The following SGCZ variants were observed in gnomAD, a reference collection of about 807,000 sequenced individuals.
The protein encoded by SGCZ is sarcoglycan zeta.
SGCZ carries 40 observed loss-of-function variants against 41.3 expected under a neutral mutation model. The observed-to-expected ratio is 0.97, with a 90% CI of 0.75 to 1.26. The LOEUF (loss-of-function observed/expected upper bound fraction) is 1.26, where lower values mean the gene tolerates loss of function less well. Ranked by LOEUF, SGCZ falls within the 50% of genes most tolerant of loss-of-function variation. The pLI, the probability that SGCZ is intolerant of heterozygous loss-of-function variation, is 0.00. For missense variants in SGCZ, 552 were observed against 369.8 expected (o/e 1.49, Z -4.04); for synonymous variants, 206 against 137.5 (o/e 1.50, Z -3.49).
intron 4 of SGCZ, among the ~76,000 whole-genome samples, chr8:14,197,819 C>T (rs1371799275): frequency 6.6e-6 from 1 of 151,516 alleles, no homozygotes; most frequent in African/African-American, 2.4e-5. Context: ...AATAATACAA[C>T]CAAGAAAAAT....
rs1269733707 is a variant in SGCZ, at chr8:14,936,331, A to C, written c.39+301254T>G. Among the ~76,000 whole-genome samples the C allele has an allele frequency of 2.0e-5, 3 of 152,004 alleles. No homozygotes were observed. The South Asian group carries it at 6.2e-4, about 31-fold the overall frequency. On this transcript the variant is annotated intron_variant, in intron 1 of 7. Transcript: ENST00000382080. ...TAATATGTCTAACGTACCAAGCATC[A>C]AATCTTAGCCTAGCCTACCTTAAAT...
At chr8:14,731,806 G>T (rs1032449082) in intron 1 of SGCZ, among the ~76,000 whole-genome samples, 1 of 151,924 alleles carries the variant, frequency 6.6e-6, no homozygotes, top group African/African-American at 2.4e-5. Context: ...TTTCTAAAAT[G>T]GTTACTCAAT....
intron 2 of SGCZ, among the ~76,000 whole-genome samples, chr8:14,517,289 G>A (rs993565027): frequency 6.6e-6 from 1 of 151,902 alleles, no homozygotes; most frequent in East Asian, 1.9e-4. Flanking sequence ...ACTAAACTTG[G>A]GCAAGATCTT....
intron 1 of SGCZ, among the ~76,000 whole-genome samples, chr8:14,812,167 T>C (rs926467066): frequency 2.0e-5 from 3 of 151,970 alleles, no homozygotes; most frequent in Non-Finnish European, 2.9e-5. Flanking sequence ...ATGTAAAATG[T>C]TACATAATGA....
chr8:15,035,067 T>C (rs533095323), intron 1 of SGCZ, among the ~76,000 whole-genome samples: 6 of 152,126 alleles, frequency 3.9e-5, no homozygotes, highest in Non-Finnish European at 5.9e-5. Context: ...ACTAGTAGTC[T>C]ACTGGTGGTA....
At chr8:14,425,275 T>G (rs971930836) in intron 2 of SGCZ, among the ~76,000 whole-genome samples, 2 of 152,104 alleles carry the variant, frequency 1.3e-5, no homozygotes, top group African/African-American at 4.8e-5. Context: ...GTCTGACAGG[T>G]GATATAATTC....
chr8:14,126,635 G>T (rs979611114), intron 5 of SGCZ, among the ~76,000 whole-genome samples: 2 of 152,074 alleles, frequency 1.3e-5, no homozygotes, highest in South Asian at 4.2e-4. Context: ...CCATTACTGG[G>T]TATATATCCA....
At chr8:14,091,031 C>G (rs577619495) in intron 7 of SGCZ, among the ~76,000 whole-genome samples, 1 of 151,980 alleles carries the variant, frequency 6.6e-6, no homozygotes, top group Admixed American at 6.6e-5. Context: ...GTTCCCTGCC[C>G]TGTGTCCATG....
At chr8:14,269,351 T>C (rs976087008) in intron 3 of SGCZ, among the ~76,000 whole-genome samples, 3 of 152,190 alleles carry the variant, frequency 2.0e-5, no homozygotes, top group Non-Finnish European at 4.4e-5. Context: ...ATAAACATTC[T>C]CGTGCTGTAA....
intron 4 of SGCZ, among the ~76,000 whole-genome samples, chr8:14,189,757 T>C (rs1478020): frequency 0.083 from 12,637 of 152,148 alleles, 732 homozygotes; most frequent in African/African-American, 0.15. Flanking sequence ...TTAACCTGCT[T>C]TGTCTTATCA....
intron 1 of SGCZ, among the ~76,000 whole-genome samples, chr8:15,007,517 G>T (rs1407903217): frequency 6.6e-6 from 1 of 152,196 alleles, no homozygotes; most frequent in African/African-American, 2.4e-5. Context: ...TGCATGTTCT[G>T]GCTTTGCCAT....
At chr8:15,024,636 GTAA>G (rs1585484838) in intron 1 of SGCZ, among the ~76,000 whole-genome samples, 1 of 152,046 alleles carries the variant, frequency 6.6e-6, no homozygotes, top group African/African-American at 2.4e-5. Flanking sequence ...AGAAGCATTA[GTAA>G]TAATAATACA....
intron 4 of SGCZ, among the ~76,000 whole-genome samples, chr8:14,200,793 G>T (rs1805430365): frequency 6.6e-6 from 1 of 152,102 alleles, no homozygotes; most frequent in African/African-American, 2.4e-5. Flanking sequence ...TAAAATGAAT[G>T]AATTAAAGTT....
chr8:15,026,311 T>C (rs1019684559), intron 1 of SGCZ, among the ~76,000 whole-genome samples: 1 of 152,202 alleles, frequency 6.6e-6, no homozygotes, highest in Non-Finnish European at 1.5e-5. Flanking sequence ...AATTTCTGAA[T>C]GTCCTACAAA....
At chr8:14,151,381 A>G (rs907201559) in intron 5 of SGCZ, among the ~76,000 whole-genome samples, 1 of 152,128 alleles carries the variant, frequency 6.6e-6, no homozygotes, top group Non-Finnish European at 1.5e-5. Flanking sequence ...AAAATTTATC[A>G]GAACATTTAC....
chr8:14,644,465 T>C (rs752022666), intron 1 of SGCZ, among the ~76,000 whole-genome samples: 2 of 151,514 alleles, frequency 1.3e-5, no homozygotes, highest in African/African-American at 2.4e-5. Context: ...TCATAGATTT[T>C]AGACTTCCCA....
At chr8:14,111,613 G>A (rs888508972) in intron 5 of SGCZ, among the ~76,000 whole-genome samples, 1 of 152,098 alleles carries the variant, frequency 6.6e-6, no homozygotes, top group Non-Finnish European at 1.5e-5. Flanking sequence ...TCCTACAAAG[G>A]ATGTTTCAGA....
At chr8:15,212,496 T>C (rs1801264794) in intron 1 of SGCZ, among the ~76,000 whole-genome samples, 1 of 152,152 alleles carries the variant, frequency 6.6e-6, no homozygotes, top group South Asian at 2.1e-4. Context: ...ACTTGGGGAA[T>C]TATTTCCTTG....
chr8:15,196,169 T>TTTA, intron 1 of SGCZ, among the ~76,000 whole-genome samples: 1 of 134,042 alleles, frequency 7.5e-6, no homozygotes, highest in African/African-American at 2.8e-5. Context: ...AGTGCTGGGA[T>TTTA]TACAGGCGTG....
Sources: allele counts gnomAD v4.1 joint callset (sites outside exome capture counted in the v4.1 genomes callset), GRCh38; gene constraint gnomAD v4.1.1; transcripts MANE v1.5; gene names NCBI Gene and HGNC (gene_info 2026-07-23, HGNC 2026-07-21).